KIRREL3: variants seen among roughly 807,000 people sequenced by gnomAD.
The protein encoded by KIRREL3 is kin of IRRE-like protein 3.
KIRREL3 carries 36 observed loss-of-function variants against 89.7 expected under a neutral mutation model. The ratio of observed to expected loss-of-function variants is 0.40; its 90% CI spans 0.31 to 0.53. The LOEUF (loss-of-function observed/expected upper bound fraction) is 0.53. Among genes scored for constraint, KIRREL3 ranks in the 20% least tolerant of loss-of-function variants. KIRREL3 has a pLI of 0.49. For missense variants in KIRREL3, 864 were observed against 1,056.6 expected (o/e 0.82, Z 2.53); for synonymous variants, 445 against 441.4 (o/e 1.01, Z -0.10).
At chr11:126,829,268 G>A (rs1475243804) in intron 1 of KIRREL3, among the ~76,000 whole-genome samples, 1 of 152,168 alleles carries the variant, frequency 6.6e-6, no homozygotes, top group African/African-American at 2.4e-5. Context: ...GGTGCTAATG[G>A]CAAAGCCAAG....
intron 1 of KIRREL3, among the ~76,000 whole-genome samples, chr11:126,567,370 C>T (rs952392916): frequency 6.6e-6 from 1 of 152,172 alleles, no homozygotes; most frequent in Non-Finnish European, 1.5e-5. Flanking sequence ...CAGATCCTTC[C>T]CTCCCAGCCC....
chr11:126,550,222 C>T lies in KIRREL3; in HGVS notation c.133+12613G>A, dbSNP rs559029298. On this transcript the variant is annotated intron_variant, in intron 2 of 16. Coordinates refer to ENST00000525144, the MANE Select transcript of KIRREL3 (RefSeq NM_032531.4). This position sits in a 1 kb window ranked among gnomAD's most constrained non-coding sequence, Gnocchi z 4.9. ...GCCGTGTTCACAGTCTTTACACACA[C>T]TGGTACTTGGCAGGGATATGGAACC... The T allele has an allele frequency of 1.3e-5, 2 of 152,368 alleles. No homozygotes were observed. The highest frequency in any genetic ancestry group is 4.8e-5 in the African/African-American group (2 of 41,552). The allele number at this position is 152,368 out of a possible 1,614,324, so 9.4% of individuals were successfully genotyped here. A position where few individuals can be genotyped will look rare whatever the true frequency, so the allele number is the denominator to read the frequency against.
At chr11:126,866,161 G>A (rs1944912040) in intron 1 of KIRREL3, among the ~76,000 whole-genome samples, 1 of 152,226 alleles carries the variant, frequency 6.6e-6, no homozygotes, top group Non-Finnish European at 1.5e-5. Flanking sequence ...AGAGTGATGG[G>A]GGAGGGAGGC....
chr11:126,847,208 C>T (rs1265447861), intron 1 of KIRREL3, among the ~76,000 whole-genome samples: 1 of 152,000 alleles, frequency 6.6e-6, no homozygotes, highest in Non-Finnish European at 1.5e-5. Context: ...TGGTATTTGG[C>T]TTTCTTTGGG....
intron 4 of KIRREL3, among the ~76,000 whole-genome samples, chr11:126,487,891 T>A (rs750338299): frequency 3.3e-5 from 5 of 152,180 alleles, no homozygotes; most frequent in Non-Finnish European, 7.4e-5. Flanking sequence ...AGTCCTTCTG[T>A]CCTGTCCTGA....
At position 126,587,280 on chromosome 11, in the gene KIRREL3, C is replaced by T. The variant is rs144436555; in HGVS notation, c.56-24368G>A. On this transcript the variant is annotated intron_variant, in intron 1 of 16. Transcript: ENST00000525144. The surrounding 1 kb of genome is among the most constrained non-coding windows in gnomAD (Gnocchi z 5.2). ...AGAGCGTTCCAGGCTGTGGAGGCAGCGTGTGCAAAGGCTGGGAGGTCAGAA... is the reference window on the plus strand; with the variant it reads ...AGAGCGTTCCAGGCTGTGGAGGCAGTGTGTGCAAAGGCTGGGAGGTCAGAA... Among the ~76,000 whole-genome samples, 6 of 152,244 alleles carry T rather than the reference C, an allele frequency of 3.9e-5. No homozygotes were observed. Among genetic ancestry groups the T allele is most frequent in the East Asian group, 1.9e-4 (1 of 5,178 alleles).
chr11:126,868,922 G>C (rs368798676), intron 1 of KIRREL3, among the ~76,000 whole-genome samples: 1 of 152,040 alleles, frequency 6.6e-6, no homozygotes, highest in East Asian at 1.9e-4. Flanking sequence ...TTGCTGGAGG[G>C]GCAAGAGAGC....
intron 11 of KIRREL3, chr11:126,440,090 C>T: frequency 2.2e-6 from 1 of 455,410 alleles, no homozygotes; most frequent in Admixed American, 2.7e-5. Context: ...ATTACCTGCG[C>T]TCTAAGATTT....
rs548524633 is a variant in KIRREL3 at position 126,463,082 on chromosome 11, G to A, written c.742+75C>T. The A allele has an allele frequency of 5.5e-6, 8 of 1,456,344 alleles. No individual in the cohort carries two copies. In the South Asian group the frequency reaches 1.0e-4, roughly 18 times the overall value. The allele number at this position is 1,456,344 out of a possible 1,614,324, so 90.2% of individuals were successfully genotyped here. ...CCATTTCCTGCTATCAGATGGGCCA[G>A]GCTATGGTCAGGGTTGCTGGGTGTT... On this transcript the variant is annotated intron_variant, in intron 6 of 16. Transcript: ENST00000525144. This position sits in a 1 kb window ranked among gnomAD's most constrained non-coding sequence, Gnocchi z 5.9.
At chr11:126,584,965 C>T (rs1941749030) in intron 1 of KIRREL3, among the ~76,000 whole-genome samples, 1 of 151,650 alleles carries the variant, frequency 6.6e-6, no homozygotes. Context: ...GTCGCCCAGG[C>T]TGGAGTGCAG....
chr11:126,735,883 T>A (rs1216407190), intron 1 of KIRREL3, among the ~76,000 whole-genome samples: 2 of 152,166 alleles, frequency 1.3e-5, no homozygotes, highest in African/African-American at 4.8e-5. Flanking sequence ...ATAAGGGGGA[T>A]CCTTCCTGAT....
In KIRREL3 at chr11:126,995,518, C is replaced by G; in HGVS notation, c.55+4937G>C. On this transcript the variant is annotated intron_variant, in intron 1 of 16. Coordinates refer to ENST00000525144, the MANE Select transcript of KIRREL3 (RefSeq NM_032531.4). This position sits in a 1 kb window ranked among gnomAD's most constrained non-coding sequence, Gnocchi z 6.5. Reference sequence around the variant, plus strand: ...TAAGGATTGTAGCTGCAAAATAATGCCTATGCCCCTCTAGCCCCCTTAGCA... The same window carrying G: ...TAAGGATTGTAGCTGCAAAATAATGGCTATGCCCCTCTAGCCCCCTTAGCA... 2.8e-6 allele frequency: 1 copy of G among 359,910 alleles called. No individual in the cohort carries two copies. Among genetic ancestry groups the G allele is most frequent in the South Asian group, 2.1e-5 (1 of 47,830 alleles). 22.3% of individuals were successfully genotyped at this position (359,910 alleles called of 1,614,324 possible). A position where few individuals can be genotyped will look rare whatever the true frequency, so the allele number is the denominator to read the frequency against.
Position 126,441,992 on chromosome 11 carries a change from G to A in KIRREL3, c.1253-1443C>T, listed in dbSNP as rs1283419172. ...TGATGATAATATAAAACCTTTTCTG[G>A]TCAGGTGCGGTGGCTCACACCTAGA... is the stretch of plus-strand genomic sequence containing the variant. On this transcript the variant is annotated intron_variant, in intron 10 of 16. Transcript: ENST00000525144. This position sits in a 1 kb window ranked among gnomAD's most constrained non-coding sequence, Gnocchi z 5.0. Among the ~76,000 whole-genome samples, 2 of 152,232 alleles carry A rather than the reference G, an allele frequency of 1.3e-5. No homozygotes were observed. The highest frequency in any genetic ancestry group is 3.9e-4 in the East Asian group (2 of 5,180).
At chr11:126,818,303 G>A (rs1424486603) in intron 1 of KIRREL3, among the ~76,000 whole-genome samples, 1 of 152,184 alleles carries the variant, frequency 6.6e-6, no homozygotes, top group Admixed American at 6.5e-5. Context: ...TTAGGAATGG[G>A]AAGAGTGAAG....
chr11:126,829,522 G>T (rs1463559334), intron 1 of KIRREL3, among the ~76,000 whole-genome samples: 1 of 151,928 alleles, frequency 6.6e-6, no homozygotes, highest in Non-Finnish European at 1.5e-5. Flanking sequence ...GTGGTCTTGT[G>T]CCCCAAACTA....
At chr11:126,671,614 G>C (rs1945953296) in intron 1 of KIRREL3, among the ~76,000 whole-genome samples, 4 of 152,000 alleles carry the variant, frequency 2.6e-5, no homozygotes, top group Admixed American at 2.6e-4. Context: ...TTAAAAAATG[G>C]GCAAGAGATC....
chr11:126,456,057 TCC>T (rs1956333604), intron 7 of KIRREL3, among the ~76,000 whole-genome samples: 22 of 109,786 alleles, frequency 2.0e-4, no homozygotes, highest in South Asian at 9.7e-4. Flanking sequence ...TTTTTTTTTT[TCC>T]TGAGCCTTTT....
Position 126,747,619 on chromosome 11 carries a change from G to A in KIRREL3, c.56-184707C>T, listed in dbSNP as rs575021345. Among the ~76,000 whole-genome samples the A allele has an allele frequency of 6.6e-6, 1 of 152,214 alleles. No homozygotes were observed. Among genetic ancestry groups the A allele is most frequent in the Non-Finnish European group, 1.5e-5 (1 of 68,018 alleles). The stretch of plus-strand genomic sequence containing the variant: ...GTATATCCCTCTTTCGTGGTATTAG[G>A]AACCTGGTATAACTGAGAGCGCATC... On this transcript the variant is annotated intron_variant, in intron 1 of 16. Coordinates refer to ENST00000525144, the MANE Select transcript of KIRREL3 (RefSeq NM_032531.4). This position sits in a 1 kb window ranked among gnomAD's most constrained non-coding sequence, Gnocchi z 4.7.
At chr11:126,727,638 AT>A (rs1948444767) in intron 1 of KIRREL3, among the ~76,000 whole-genome samples, 1 of 152,086 alleles carries the variant, frequency 6.6e-6, no homozygotes, top group Admixed American at 6.5e-5. Flanking sequence ...GGTGAGCTGC[AT>A]TTTTGTGGTC....
Sources: allele counts gnomAD v4.1 joint callset (sites outside exome capture counted in the v4.1 genomes callset), GRCh38; gene constraint gnomAD v4.1.1; non-coding constraint Gnocchi (gnomAD v3.1); transcripts MANE v1.5; gene names NCBI Gene and HGNC (gene_info 2026-07-23, HGNC 2026-07-21).